The following UGT1A6 variants were observed in gnomAD, a reference collection of about 807,000 sequenced individuals.
The protein encoded by UGT1A6 is UDP glucuronosyltransferase family 1 member A6, also known as UDP-glucuronosyltransferase 1A6.
Under a neutral mutation model 44.4 loss-of-function variants are expected in UGT1A6, and 32 were observed. The ratio of observed to expected loss-of-function variants is 0.72; its 90% CI spans 0.54 to 0.97. UGT1A6 has a LOEUF of 0.97. UGT1A6 is among the 50% of genes least tolerant of loss of function. The pLI is 0.00. For synonymous variants in UGT1A6, 238 were observed against 248.5 expected (o/e 0.96, Z 0.40); for missense variants, 685 against 661.9 (o/e 1.03, Z -0.38).
intron 1 of UGT1A6, among the ~76,000 whole-genome samples, chr2:233,731,766 G>A (rs2078201810): frequency 2.0e-5 from 3 of 152,172 alleles, no homozygotes; most frequent in African/African-American, 7.2e-5. Flanking sequence ...TGTCCTTAGA[G>A]TAGTATCATT....
At chr2:233,761,119 A>T in intron 1 of UGT1A6, 1 of 1,614,188 alleles carries the variant, frequency 6.2e-7, no homozygotes, top group African/African-American at 1.3e-5. Context: ...TGTTGGTGGA[A>T]TCAACTGCCT....
chr2:233,765,890 G>A lies in UGT1A6; in HGVS notation c.862-1144G>A, dbSNP rs114846960. ...CGGGAGGGGCTCACTTTCTCAGTGC[G>A]CCACTGCTCAAACCTCTAGGGGAGC... On this transcript the variant is annotated intron_variant, in intron 1 of 4. Coordinates refer to ENST00000305139, the MANE Select transcript of UGT1A6 (RefSeq NM_001072.4). Among the ~76,000 whole-genome samples, 153 of 152,130 alleles carry A rather than the reference G, an allele frequency of 1.0e-3. 1 individual carries two copies. The highest frequency in any genetic ancestry group is 3.4e-3 in the African/African-American group (143 of 41,508).
At chr2:233,766,909 C>G in intron 1 of UGT1A6, 125 bp from the exon 2 acceptor site, 2 of 1,513,870 alleles carry the variant, frequency 1.3e-6, no homozygotes, top group South Asian at 1.3e-5. Flanking sequence ...ATTTTTTACT[C>G]TATCTCAAAC....
At chr2:233,701,422 T>A (rs141980879) in intron 1 of UGT1A6, among the ~76,000 whole-genome samples, 7,472 of 152,134 alleles carry the variant, frequency 0.049, 251 homozygotes, top group Non-Finnish European at 0.079. Flanking sequence ...ACTGTCAACA[T>A]TAGACAGATC....
chr2:233,743,134 T>TA (rs919324462), intron 1 of UGT1A6: 10 of 357,158 alleles, frequency 2.8e-5, no homozygotes, highest in East Asian at 7.3e-5. Context: ...CTTTCAATCC[T>TA]AAAAAAAGTC....
intron 1 of UGT1A6, chr2:233,718,743 A>C: frequency 6.2e-7 from 1 of 1,612,082 alleles, no homozygotes; most frequent in Admixed American, 1.7e-5. Context: ...CTCAATGACA[A>C]GGTAATTAAG....
intron 1 of UGT1A6, chr2:233,754,897 C>A: frequency 3.0e-6 from 4 of 1,351,174 alleles, no homozygotes; most frequent in South Asian, 1.1e-5. Flanking sequence ...TTCCTCTGAC[C>A]CCCCAAAATA....
At chr2:233,743,738 T>C in intron 1 of UGT1A6, 1 of 1,367,388 alleles carries the variant, frequency 7.3e-7, no homozygotes, top group Non-Finnish European at 9.8e-7. Flanking sequence ...ATCGCGTTTC[T>C]TGGCGTCCGA....
At chr2:233,743,640 A>T in intron 1 of UGT1A6, 1 of 1,367,298 alleles carries the variant, frequency 7.3e-7, no homozygotes, top group Non-Finnish European at 9.8e-7. Context: ...GGGTCGCGGA[A>T]GCTGAAGACG....
Position 233,693,349 on chromosome 2 carries a change from C to T in UGT1A6, c.345C>T (p.Asn115=). The T allele has an allele frequency of 1.2e-6, 2 of 1,614,196 alleles. No homozygotes were observed. Among genetic ancestry groups the T allele is most frequent in the East Asian group, 4.5e-5 (2 of 44,888 alleles). Reference sequence around the variant, plus strand: ...CTCCTCAGACAGAGTACAGGAATAACATGATTGTTATTGGCCTGTACTTCA... The same window carrying T: ...CTCCTCAGACAGAGTACAGGAATAATATGATTGTTATTGGCCTGTACTTCA... ...LTAPQTEYRN[N]MIVIGLYFIN... is the part of the protein sequence containing the mutation. Residue 115 remains asparagine, a synonymous_variant, in exon 1 of 5, where the codon AAC becomes AAT. Coordinates refer to ENST00000305139, the MANE Select transcript of UGT1A6 (RefSeq NM_001072.4).
intron 1 of UGT1A6, among the ~76,000 whole-genome samples, chr2:233,756,653 T>C (rs1696281522): frequency 6.6e-6 from 1 of 152,220 alleles, no homozygotes; most frequent in South Asian, 2.1e-4. Flanking sequence ...AAACATGGGA[T>C]GCAGTGATTA....
intron 1 of UGT1A6, among the ~76,000 whole-genome samples, chr2:233,735,882 G>T (rs1173866401): frequency 6.6e-6 from 1 of 152,160 alleles, no homozygotes; most frequent in Admixed American, 6.5e-5. Flanking sequence ...GAGATCTGCT[G>T]TTAGTCTGAT....
chr2:233,708,408 G>A (rs1167120338), intron 1 of UGT1A6: 1 of 152,066 alleles, frequency 6.6e-6, no homozygotes, highest in African/African-American at 2.4e-5. Context: ...TCATCAAGTT[G>A]TTTCACCAGT....
chr2:233,757,567 T>TATATATATATATATATA (rs1553619947), intron 1 of UGT1A6, among the ~76,000 whole-genome samples: 5 of 142,918 alleles, frequency 3.5e-5, no homozygotes, highest in Non-Finnish European at 7.6e-5. Context: ...TATATGTATA[T>TATATATATATATATATA]ATGATATAGC....
At chr2:233,719,288 C>T (rs1377929252) in intron 1 of UGT1A6, 12 of 1,613,978 alleles carry the variant, frequency 7.4e-6, no homozygotes, top group Non-Finnish European at 1.0e-5. Flanking sequence ...CCGTTAACCT[C>T]TGTGGGGCGG....
chr2:233,725,035 A>C lies in UGT1A6; in HGVS notation c.861+31170A>C, dbSNP rs1161342472. 1.1e-4 allele frequency among the ~76,000 whole-genome samples: 17 copies of C among 148,286 alleles called. 1 individual carries two copies. The highest frequency in any genetic ancestry group is 4.0e-4 in the African/African-American group (16 of 39,830). On this transcript the variant is annotated intron_variant, in intron 1 of 4. Transcript: ENST00000305139. ...AAACAGCAAAACCCGGTCTCCACCA[A>C]AACCAGTCAGGCGTGGCGGCGCGCG... is the stretch of plus-strand genomic sequence containing the variant.
In UGT1A6 at chr2:233,733,917, G is replaced by T. The variant is rs753783737; in HGVS notation, c.862-33117G>T. On this transcript the variant is annotated intron_variant, in intron 1 of 4. Coordinates refer to ENST00000305139, the MANE Select transcript of UGT1A6 (RefSeq NM_001072.4). ...GTTTGTACCTCTCTGGTAGAATTCG[G>T]CTGTGAGGAAGGGGAACATCACATA... Among the ~76,000 whole-genome samples the T allele has an allele frequency of 9.2e-5, 14 of 152,092 alleles. No homozygotes were observed. The East Asian group carries it at 9.7e-4, about 11-fold the overall frequency.
chr2:233,692,728 T>C (rs2075111664), upstream of UGT1A6: 2 of 919,958 alleles, frequency 2.2e-6, no homozygotes, highest in Non-Finnish European at 2.9e-6. Context: ...TGCTATAACT[T>C]TTCAGAGAGG....
At chr2:233,732,080 C>A (rs1261829762) in intron 1 of UGT1A6, among the ~76,000 whole-genome samples, 1 of 152,166 alleles carries the variant, frequency 6.6e-6, no homozygotes, top group Non-Finnish European at 1.5e-5. Context: ...GCATAAATGT[C>A]TTCTTTTGAG....
Sources: gnomAD v4.1 joint callset for allele counts (sites outside exome capture counted in the v4.1 genomes callset) on GRCh38, gnomAD v4.1.1 for gene constraint, MANE v1.5 for transcripts, NCBI Gene and HGNC (gene_info 2026-07-23, HGNC 2026-07-21) for gene names.